PPP2R2C: variants seen among roughly 807,000 people sequenced by gnomAD.
The protein encoded by PPP2R2C is protein phosphatase 2 regulatory subunit Bgamma.
Under a neutral mutation model 45.3 loss-of-function variants are expected in PPP2R2C, and 10 were observed. The ratio of observed to expected loss-of-function variants is 0.22; its 90% confidence interval spans 0.14 to 0.37. The LOEUF is 0.37. Among genes scored for constraint, PPP2R2C ranks in the 10% least tolerant of loss-of-function variants. PPP2R2C has a pLI of 1.00. For synonymous variants in PPP2R2C, 257 were observed against 245.4 expected (o/e 1.05, Z -0.44); for missense variants, 308 against 619.7 (o/e 0.50, Z 5.34).
chr4:6,561,255 C>T (rs957329162), intron 1 of PPP2R2C, among the ~76,000 whole-genome samples: 3 of 152,238 alleles, frequency 2.0e-5, no homozygotes, highest in East Asian at 1.9e-4. Context: ...AGACAGGCGT[C>T]TTGCAAGAGT....
chr4:6,549,278 C>A (rs1408657002), intron 1 of PPP2R2C, among the ~76,000 whole-genome samples: 1 of 152,150 alleles, frequency 6.6e-6, no homozygotes, highest in Non-Finnish European at 1.5e-5. Context: ...CACCCCCACC[C>A]TTCCCACTCT....
At chr4:6,448,196 G>A (rs768387857) in intron 1 of PPP2R2C, among the ~76,000 whole-genome samples, 17 of 152,140 alleles carry the variant, frequency 1.1e-4, no homozygotes, top group Non-Finnish European at 2.4e-4. Flanking sequence ...CCTTTGCATC[G>A]TTTCCTCAGG....
At chr4:6,446,833 C>T (rs62284507) in intron 1 of PPP2R2C, among the ~76,000 whole-genome samples, 7,835 of 151,308 alleles carry the variant, frequency 0.052, 274 homozygotes, top group Middle Eastern at 0.085. Flanking sequence ...AGAGAGGATA[C>T]GGCAGCTCAC....
At chr4:6,495,641 A>G (rs973748930) in intron 2 of PPP2R2C, among the ~76,000 whole-genome samples, 2 of 152,204 alleles carry the variant, frequency 1.3e-5, no homozygotes, top group African/African-American at 4.8e-5. Flanking sequence ...CTCCACCTGG[A>G]AATGGAGATA....
At chr4:6,459,558 C>T (rs1721216722) in intron 1 of PPP2R2C, among the ~76,000 whole-genome samples, 1 of 152,022 alleles carries the variant, frequency 6.6e-6, no homozygotes, top group Non-Finnish European at 1.5e-5. Flanking sequence ...AGAAACAGGC[C>T]AAGAACGGTG....
At chr4:6,337,754 G>C (rs1380969666) in intron 6 of PPP2R2C, among the ~76,000 whole-genome samples, 1 of 152,170 alleles carries the variant, frequency 6.6e-6, no homozygotes, top group African/African-American at 2.4e-5. Flanking sequence ...GAGAACAATT[G>C]AATCGATAGT....
intron 1 of PPP2R2C, among the ~76,000 whole-genome samples, chr4:6,448,613 A>C (rs1577190904): frequency 6.6e-6 from 1 of 151,300 alleles, no homozygotes; most frequent in African/African-American, 2.4e-5. Flanking sequence ...CCTCACTCCC[A>C]CTGCTGCCAC....
At chr4:6,449,972 C>T (rs1720649003) in intron 1 of PPP2R2C, among the ~76,000 whole-genome samples, 1 of 152,222 alleles carries the variant, frequency 6.6e-6, no homozygotes, top group Non-Finnish European at 1.5e-5. Flanking sequence ...TCCCCGGGAG[C>T]TGCCGAGCCC....
At chr4:6,343,159 G>T (rs1289134583) in intron 6 of PPP2R2C, among the ~76,000 whole-genome samples, 2 of 152,180 alleles carry the variant, frequency 1.3e-5, no homozygotes, top group Non-Finnish European at 2.9e-5. Flanking sequence ...TTGGAAAGCG[G>T]CTGCGTGCTT....
intron 2 of PPP2R2C, 66 bp downstream of exon 2, chr4:6,380,931 T>C (rs1715733579): frequency 9.8e-7 from 1 of 1,022,160 alleles, no homozygotes; most frequent in Admixed American, 2.9e-5. Context: ...CCTCCCACCA[T>C]GCCCGCCTCC....
chr4:6,418,007 AG>A (rs1718711837), intron 1 of PPP2R2C, among the ~76,000 whole-genome samples: 1 of 147,498 alleles, frequency 6.8e-6, no homozygotes, highest in South Asian at 2.3e-4. Flanking sequence ...CTGGAAGGGA[AG>A]GAGGGGGTGG....
chr4:6,535,458 G>A (rs530731493), intron 1 of PPP2R2C: 29 of 979,706 alleles, frequency 3.0e-5, no homozygotes, highest in South Asian at 1.8e-4. Flanking sequence ...CATGCAACGC[G>A]AGCACCGCCA....
intron 4 of PPP2R2C, among the ~76,000 whole-genome samples, chr4:6,373,900 C>CGT (rs1560492609): frequency 5.0e-4 from 62 of 123,886 alleles, no homozygotes; most frequent in Admixed American, 1.6e-3. Context: ...TATGTGCATG[C>CGT]ATGTGTGTGT....
chr4:6,440,449 T>A (rs6812869), intron 1 of PPP2R2C, among the ~76,000 whole-genome samples: 4 of 151,942 alleles, frequency 2.6e-5, no homozygotes, highest in African/African-American at 9.7e-5. Flanking sequence ...GGGCAGGTGT[T>A]GGGGGCTCTT....
intron 1 of PPP2R2C, among the ~76,000 whole-genome samples, chr4:6,400,752 T>C (rs980595540): frequency 6.6e-6 from 1 of 152,234 alleles, no homozygotes; most frequent in Non-Finnish European, 1.5e-5. Flanking sequence ...CATCACAAGA[T>C]GCCTAGAGCT....
rs1030606355 is a variant in PPP2R2C at position 6,419,404 on chromosome 4, G to A, written c.71-38310C>T. On this transcript the variant is annotated intron_variant, in intron 1 of 8. Transcript: ENST00000382599. ...TGGTGCCACTGCCACTGCACTCCTA[G>A]GCGACAGAGTGAGACTCTGTCTAAA... is the stretch of plus-strand genomic sequence containing the variant. Among the ~76,000 whole-genome samples the A allele has an allele frequency of 4.0e-5, 6 of 151,894 alleles. 1 individual carries two copies. In the South Asian group the frequency reaches 1.3e-3, roughly 32 times the overall value.
chr4:6,461,322 G>C (rs1721309071), intron 1 of PPP2R2C, among the ~76,000 whole-genome samples: 1 of 152,186 alleles, frequency 6.6e-6, no homozygotes, highest in African/African-American at 2.4e-5. Context: ...GTTTTGTGGG[G>C]TCATGTGGCA....
intron 2 of PPP2R2C, among the ~76,000 whole-genome samples, chr4:6,515,777 A>G (rs1272679195): frequency 1.3e-5 from 2 of 152,204 alleles, no homozygotes; most frequent in African/African-American, 4.8e-5. Context: ...CTGCCATAAT[A>G]AAGTACTGTA....
At position 6,425,312 on chromosome 4, in the gene PPP2R2C, T is replaced by C. The variant is rs530592526; in HGVS notation, c.71-44218A>G. Among the ~76,000 whole-genome samples, 19 of 152,300 alleles carry C rather than the reference T, an allele frequency of 1.2e-4. 1 individual carries two copies. In the East Asian group the frequency reaches 3.3e-3, roughly 26 times the overall value. On this transcript the variant is annotated intron_variant, in intron 1 of 8. Transcript: ENST00000382599. The stretch of plus-strand genomic sequence containing the variant: ...TGAGCATCATTAAGAGCCCAATTGC[T>C]AGCCAAGCCTGGCTGTGCACCTCAC...
Sources: gnomAD v4.1 joint callset for allele counts (sites outside exome capture counted in the v4.1 genomes callset) on GRCh38, gnomAD v4.1.1 for gene constraint, MANE v1.5 for transcripts, NCBI Gene and HGNC (gene_info 2026-07-23, HGNC 2026-07-21) for gene names.